CDK4: variants seen among roughly 807,000 people sequenced by gnomAD.
The protein encoded by CDK4 is cyclin-dependent kinase 4.
CDK4 carries 13 observed loss-of-function variants against 36.7 expected under a neutral mutation model. The observed-to-expected ratio is 0.35, with a 90% CI of 0.23 to 0.56. The LOEUF (loss-of-function observed/expected upper bound fraction) is 0.56. Ranked by LOEUF, CDK4 falls within the 20% of genes least tolerant of loss-of-function variation. The probability of loss-of-function intolerance (pLI) is 0.85; values close to 1 mark genes in which losing one functional copy is unlikely to be tolerated. For synonymous variants in CDK4, 158 were observed against 146.4 expected, an observed-to-expected ratio of 1.08 and a Z score of -0.57; for missense variants, 285 against 387.3, an observed-to-expected ratio of 0.74 and a Z score of 2.22.
In CDK4 at chr12:57,751,878, C is replaced by T. The variant is rs1008956481; in HGVS notation, c.-19-142G>A. On this transcript the variant is annotated intron_variant, in intron 1 of 7. Coordinates refer to ENST00000257904, the MANE Select transcript of CDK4 (RefSeq NM_000075.4). The surrounding 1 kb of genome is among the most constrained non-coding windows in gnomAD (Gnocchi z 4.5). ...CCCCGCTCCCAGTCTTCCTTGGGGCCGGCCCCAGAGATAACACAATGACTC... is the reference window on the plus strand; with the variant it reads ...CCCCGCTCCCAGTCTTCCTTGGGGCTGGCCCCAGAGATAACACAATGACTC... 2.5e-5 allele frequency: 17 copies of T among 681,562 alleles called. No individual in the cohort carries two copies. The highest frequency in any genetic ancestry group is 1.6e-4 in the Admixed American group (7 of 44,188). 42.2% of individuals were successfully genotyped at this position (681,562 alleles called of 1,614,324 possible).
At position 57,748,596 on chromosome 12, in the gene CDK4, G is replaced by C. The variant is rs876659522; in HGVS notation, c.841C>G (p.His281Asp). Residue 281 changes from histidine (H) to aspartate (D), a missense_variant, in exon 8 of 8, where the codon CAC (histidine) becomes GAC (aspartate). His to Asp is a moderately conservative substitution (Grantham distance 81). Coordinates refer to ENST00000257904, the MANE Select transcript of CDK4 (RefSeq NM_000075.4). ...LLLEMLTFNPHKRISAFRALQ... is the reference protein window; with the variant it reads ...LLLEMLTFNPDKRISAFRALQ... ...GCTCGAAAGGCAGAGATTCGCTTGT[G>C]TGGGTTAAAAGTCAGCATTTCCTGA... 6 of 1,613,676 alleles carry C rather than the reference G, an allele frequency of 3.7e-6. No homozygotes were observed. The highest frequency in any genetic ancestry group is 5.1e-6 in the Non-Finnish European group (6 of 1,179,728).
chr12:57,752,015 C>G, intron 1 of CDK4, 160 bp downstream of exon 1: 3 of 479,108 alleles, frequency 6.3e-6, no homozygotes, highest in Non-Finnish European at 1.1e-5. Context: ...CATCGAAGAT[C>G]CTACACCTCA....
intron 5 of CDK4, 63 bp downstream of exon 5, chr12:57,750,593 A>G: frequency 8.9e-7 from 1 of 1,118,932 alleles, no homozygotes; most frequent in South Asian, 1.2e-5. Context: ...CAAGGTATGG[A>G]TGTGGTTTAT....
intron 5 of CDK4, chr12:57,750,079 A>C (rs920168178): frequency 6.4e-6 from 1 of 156,982 alleles, no homozygotes; most frequent in African/African-American, 2.4e-5. Context: ...GCTTTAGCCC[A>C]GGAGGTAGAG....
chr12:57,750,928 G>A lies in CDK4; in HGVS notation c.517C>T (p.Pro173Ser), dbSNP rs768904034. Residue 173 changes from proline (P) to serine (S), a missense_variant, in exon 4 of 8, where the codon CCC (proline) becomes TCC (serine). Transcript: ENST00000257904. Reference protein sequence around the residue: ...RIYSYQMALTPVVVTLWYRAP... With the variant: ...RIYSYQMALTSVVVTLWYRAP... Reference sequence around the variant, plus strand: ...GGTACCATCTTTCTACTGACCACGGGTGTAAGTGCCATCTGGTAGCTGTAG... The same window carrying A: ...GGTACCATCTTTCTACTGACCACGGATGTAAGTGCCATCTGGTAGCTGTAG... The A allele has an allele frequency of 6.2e-7, 1 of 1,614,112 alleles. No homozygotes were observed. Among genetic ancestry groups the A allele is most frequent in the South Asian group, 1.1e-5 (1 of 91,078 alleles).
Position 57,748,297 on chromosome 12 carries a change from G to A in CDK4, c.*228C>T. The A allele has an allele frequency of 3.9e-6, 2 of 507,370 alleles. No homozygotes were observed. The highest frequency in any genetic ancestry group is 7.2e-6 in the Non-Finnish European group (2 of 279,064). 31.4% of individuals were successfully genotyped at this position (507,370 alleles called of 1,614,324 possible). Reference sequence around the variant, plus strand: ...AAAGGACCCCAAATATAAAGGTAGGGAAAGGGACAAGAGGGAACATACCCC... The same window carrying A: ...AAAGGACCCCAAATATAAAGGTAGGAAAAGGGACAAGAGGGAACATACCCC... On this transcript the variant is annotated 3_prime_UTR_variant, in exon 8 of 8. Transcript: ENST00000257904.
chr12:57,748,948 C>T lies in CDK4; in HGVS notation c.819+234G>A, dbSNP rs3211626. The T allele has an allele frequency of 3.4e-3, 2,021 of 594,194 alleles. 36 individuals are homozygous for T. Among genetic ancestry groups the T allele is most frequent in the African/African-American group, 0.034 (1,805 of 53,776 alleles). The allele number at this position is 594,194 out of a possible 1,614,324, so 36.8% of individuals were successfully genotyped here. A position where few individuals can be genotyped will look rare whatever the true frequency, so the allele number is the denominator to read the frequency against. ...CTCGAACTCCTGACCTCAGGTGATA[C>T]GCCCACCTTGGCCTCCCAAAGTGCT... On this transcript the variant is annotated intron_variant, in intron 7 of 7. Coordinates refer to ENST00000257904, the MANE Select transcript of CDK4 (RefSeq NM_000075.4).
Position 57,751,356 on chromosome 12 carries a change from A to G in CDK4, c.219-14T>C, listed in dbSNP as rs2140387656. ...ACGTCCATCAGCCTGACCAGAGTAA[A>G]TGCTCACTTTTCAATCCCCTTTAAC... On this transcript the variant is annotated splice_polypyrimidine_tract_variant and intron_variant, in intron 2 of 7. Coordinates refer to ENST00000257904, the MANE Select transcript of CDK4 (RefSeq NM_000075.4). The surrounding 1 kb of genome is among the most constrained non-coding windows in gnomAD (Gnocchi z 4.5). The G allele has an allele frequency of 6.2e-7, 1 of 1,613,962 alleles. No individual in the cohort carries two copies. The highest frequency in any genetic ancestry group is 8.5e-7 in the Non-Finnish European group (1 of 1,180,032).
chr12:57,749,210 A>G lies in CDK4; in HGVS notation c.791T>C (p.Met264Thr), dbSNP rs2140382706. 1 of 1,613,892 alleles carries G rather than the reference A, an allele frequency of 6.2e-7. No individual in the cohort carries two copies. Among genetic ancestry groups the G allele is most frequent in the Non-Finnish European group, 8.5e-7 (1 of 1,179,860 alleles). Residue 264 changes from methionine to threonine, a missense_variant, in exon 7 of 8, where the codon ATG becomes ACG. Physicochemically the swap from Met to Thr is moderately conservative, Grantham distance 81 (BLOSUM62 -1). Coordinates refer to ENST00000257904, the MANE Select transcript of CDK4 (RefSeq NM_000075.4). ...CAGCAGCTGTGCTCCCGACTCCTCC[A>G]TCTCAGGTACCACCGACTGCACTGG... ...PRPVQSVVPE[M>T]EESGAQLLLE... is the part of the protein sequence containing the mutation.
rs1955226587 is a variant in CDK4 at position 57,750,716 on chromosome 12, T to C, written c.572A>G (p.Tyr191Cys). The change falls in exon 5 of 8, where the codon TAT becomes TGT. Residue 191 changes from tyrosine to cysteine, a missense_variant. Coordinates refer to ENST00000257904, the MANE Select transcript of CDK4 (RefSeq NM_000075.4). ...RAPEVLLQST[Y>C]ATPVDMWSVG... ...ACTCCACATGTCCACAGGTGTTGCA[T>C]ATGTGGACTGCAGAAGAACTTCGGG... is the stretch of plus-strand genomic sequence containing the variant. The C allele has an allele frequency of 6.2e-7, 1 of 1,614,082 alleles. No individual in the cohort carries two copies. Among genetic ancestry groups the C allele is most frequent in the East Asian group, 2.2e-5 (1 of 44,888 alleles).
rs1307245862 is a variant in CDK4, at chr12:57,749,502, G to A, written c.635C>T (p.Pro212Leu). Residue 212 changes from proline to leucine, a missense_variant and splice_region_variant, in exon 6 of 8, where the codon CCT (proline) becomes CTT (leucine). Transcript: ENST00000257904. ...GGCTTCAGAGTTTCCACAGAAGAGA[G>A]GCCTAAGGTGAGAAGGGATATAAGG... The part of the protein sequence containing the change: ...CIFAEMFRRK[P>L]LFCGNSEADQ... 6.2e-7 allele frequency: 1 copy of A among 1,614,120 alleles called. No individual in the cohort carries two copies. The highest frequency in any genetic ancestry group is 8.5e-7 in the Non-Finnish European group (1 of 1,179,936).
rs760242081 is a variant in CDK4 at position 57,751,022 on chromosome 12, C to T, written c.423G>A (p.Leu141=). 3 of 1,614,094 alleles carry T rather than the reference C, an allele frequency of 1.9e-6. No homozygotes were observed. Among genetic ancestry groups the T allele is most frequent in the Non-Finnish European group, 2.5e-6 (3 of 1,180,040 alleles). ...TTGTCACCAGAATGTTCTCTGGCTT[C>T]AGATCTCGGTGAACGATGCAATTGG... ...LHANCIVHRD[L]KPENILVTSG... is the part of the protein sequence containing the mutation. Residue 141 remains leucine, a synonymous_variant, in exon 4 of 8, where the codon CTG becomes CTA. Coordinates refer to ENST00000257904, the MANE Select transcript of CDK4 (RefSeq NM_000075.4). This position sits in a 1 kb window ranked among gnomAD's most constrained non-coding sequence, Gnocchi z 4.5.
intron 5 of CDK4, 90 bp downstream of exon 5, chr12:57,750,566 C>CA (rs577685218): frequency 6.0e-4 from 552 of 916,046 alleles, no homozygotes; most frequent in Middle Eastern, 8.6e-4. Context: ...GCCCTGGTCT[C>CA]AAAAAAAAAG....
chr12:57,749,038 G>C, intron 7 of CDK4, 144 bp downstream of exon 7: 2 of 1,035,032 alleles, frequency 1.9e-6, no homozygotes, highest in South Asian at 1.3e-5. Flanking sequence ...CTTCTCTGTG[G>C]GTGGCTATTT....
rs2140388835 is a variant in CDK4 at position 57,751,720 on chromosome 12, T to C, written c.-3A>G. On this transcript the variant is annotated 5_prime_UTR_variant, in exon 2 of 8. Coordinates refer to ENST00000257904, the MANE Select transcript of CDK4 (RefSeq NM_000075.4). The surrounding 1 kb of genome is among the most constrained non-coding windows in gnomAD (Gnocchi z 4.5). ...GGCTCATATCGAGAGGTAGCCATTC[T>C]CAGATCAAGGGAGACCCTACAATCA... 1 of 1,613,790 alleles carries C rather than the reference T, an allele frequency of 6.2e-7. No homozygotes were observed. Among genetic ancestry groups the C allele is most frequent in the South Asian group, 1.1e-5 (1 of 91,080 alleles).
intron 7 of CDK4, chr12:57,748,907 T>C (rs2140381944): frequency 3.6e-6 from 2 of 551,634 alleles, no homozygotes; most frequent in East Asian, 3.2e-5. Context: ...GGTTTCACCA[T>C]GTTGGCCAGG....
chr12:57,749,031 C>T (rs1955196440), intron 7 of CDK4, 151 bp downstream of exon 7: 1 of 1,005,254 alleles, frequency 9.9e-7, no homozygotes, highest in Non-Finnish European at 1.6e-6. Context: ...CTATATCCTT[C>T]TCTGTGGGTG....
chr12:57,749,120 A>G (rs1955197739), intron 7 of CDK4, 62 bp downstream of exon 7: 1 of 1,604,218 alleles, frequency 6.2e-7, no homozygotes, highest in Non-Finnish European at 8.5e-7. Flanking sequence ...GGCCCTGCAT[A>G]CTGCTCTATT....
chr12:57,749,379 G>C, intron 6 of CDK4, 62 bp from the exon 7 acceptor site: 2 of 1,613,082 alleles, frequency 1.2e-6, no homozygotes, highest in Non-Finnish European at 1.7e-6. Flanking sequence ...CATGGGCAGA[G>C]CCAGTTGCCA....
Sources: allele counts gnomAD v4.1 joint callset, GRCh38; gene constraint gnomAD v4.1.1; non-coding constraint Gnocchi (gnomAD v3.1); transcripts MANE v1.5; gene names NCBI Gene and HGNC (gene_info 2026-07-23, HGNC 2026-07-21).